Variants in NCOA5 observed in about 807,000 individuals in gnomAD.
NCOA5 encodes NCoA-5.
In NCOA5, 12 loss-of-function variants were observed where a neutral mutation model predicts 59.0. That is an observed-to-expected ratio of 0.20 (90% confidence interval 0.13 to 0.33). The LOEUF is 0.33. NCOA5 is among the 10% of genes least tolerant of loss of function. NCOA5 has a pLI of 1.00. For missense variants in NCOA5, 655 were observed against 766.6 expected (o/e 0.85, Z 1.72); for synonymous variants, 270 against 275.5 (o/e 0.98, Z 0.20).
At position 46,062,491 on chromosome 20, in the gene NCOA5, C is replaced by T. The variant is rs1226782134; in HGVS notation, c.1549G>A (p.Ala517Thr). The T allele has an allele frequency of 6.2e-7, 1 of 1,613,998 alleles. No homozygotes were observed. Among genetic ancestry groups the T allele is most frequent in the African/African-American group, 1.3e-5 (1 of 74,904 alleles). Reference protein sequence around the residue: ...GLFGQPSSRLAPASNMTSQRP... With the variant: ...GLFGQPSSRLTPASNMTSQRP... ...TGGCTAGTCATGTTGCTAGCAGGTG[C>T]CAGGCGACTGGAAGGCTGGCCAAAA... The change falls in exon 8 of 8, where the codon GCA becomes ACA. Residue 517 changes from alanine to threonine, a missense_variant. Ala to Thr is a moderately conservative substitution (Grantham distance 58, BLOSUM62 0). This residue lies in a region of NCOA5 where 325 missense variants were observed against 353.2 expected (regional missense o/e 0.92). Coordinates refer to ENST00000290231, the MANE Select transcript of NCOA5 (RefSeq NM_020967.3).
At chr20:46,087,938 A>T (rs1048904013) in intron 1 of NCOA5, among the ~76,000 whole-genome samples, 4 of 149,014 alleles carry the variant, frequency 2.7e-5, no homozygotes, top group Non-Finnish European at 6.1e-5. Context: ...CCAAAGAAAC[A>T]TGTTTTTAAC....
intron 2 of NCOA5, among the ~76,000 whole-genome samples, chr20:46,071,252 A>G (rs888997551): frequency 2.0e-5 from 3 of 152,128 alleles, no homozygotes; most frequent in Non-Finnish European, 4.4e-5. Context: ...GTTTCAACCC[A>G]CTGGAAACTC....
chr20:46,067,816 TA>T (rs201464584), intron 4 of NCOA5, among the ~76,000 whole-genome samples: 1 of 151,808 alleles, frequency 6.6e-6, no homozygotes, highest in Non-Finnish European at 1.5e-5. Flanking sequence ...GTAAAAGTTA[TA>T]AAAAAAACCA....
chr20:46,062,984 T>A, intron 7 of NCOA5, 95 bp from the exon 8 acceptor site: 1 of 1,017,746 alleles, frequency 9.8e-7, no homozygotes, highest in South Asian at 1.7e-5. Context: ...CTGAGTCACA[T>A]CAATCATACA....
Position 46,063,546 on chromosome 20 carries a change from G to A in NCOA5, c.964C>T (p.Leu322=), listed in dbSNP as rs1568875896. 1 of 1,614,188 alleles carries A rather than the reference G, an allele frequency of 6.2e-7. No homozygotes were observed. The highest frequency in any genetic ancestry group is 1.3e-5 in the African/African-American group (1 of 75,046). The change falls in exon 7 of 8, where the codon CTG becomes TTG. Residue 322 remains leucine (L), a synonymous_variant. Coordinates refer to ENST00000290231, the MANE Select transcript of NCOA5 (RefSeq NM_020967.3). ...QAAKMADEAI[L]QERERGGPEE... is the part of the protein sequence containing the mutation. ...GGGCCTCCTCTCTCTCTTTCCTGCA[G>A]GATGGCTTCATCGGCCATCTTGGCT...
intron 2 of NCOA5, among the ~76,000 whole-genome samples, chr20:46,071,407 C>T (rs1223546565): frequency 1.3e-5 from 2 of 152,196 alleles, no homozygotes; most frequent in Non-Finnish European, 2.9e-5. Flanking sequence ...TCCCCCATCC[C>T]AATAAAGTCA....
At chr20:46,076,356 C>T (rs1355124943) in intron 2 of NCOA5, among the ~76,000 whole-genome samples, 1 of 152,176 alleles carries the variant, frequency 6.6e-6, no homozygotes, top group Non-Finnish European at 1.5e-5. Flanking sequence ...TGTTCACCCT[C>T]AGTTAAATGA....
At chr20:46,068,386 C>T (rs970747962) in intron 4 of NCOA5, 116 bp downstream of exon 4, 10 of 1,078,824 alleles carry the variant, frequency 9.3e-6, no homozygotes, top group African/African-American at 3.2e-5. Flanking sequence ...TCTTTTTATA[C>T]ACTGCTTGGC....
intron 2 of NCOA5, among the ~76,000 whole-genome samples, chr20:46,078,825 G>A (rs2084965048): frequency 6.6e-6 from 1 of 152,114 alleles, no homozygotes; most frequent in African/African-American, 2.4e-5. Context: ...CTCGATTTCC[G>A]TGAAAGCTAA....
chr20:46,079,565 G>GTT, intron 1 of NCOA5, 112 bp from the exon 2 acceptor site: 2 of 880,606 alleles, frequency 2.3e-6, no homozygotes, highest in South Asian at 3.0e-5. Flanking sequence ...ACCAGATGGT[G>GTT]TAAGAAAAGC....
chr20:46,068,420 TG>T (rs1326695126), intron 4 of NCOA5, 81 bp downstream of exon 4: 2 of 1,437,628 alleles, frequency 1.4e-6, no homozygotes, highest in Middle Eastern at 1.8e-4. Context: ...CTTTTTCAGA[TG>T]GGGGTACTGG....
intron 1 of NCOA5, among the ~76,000 whole-genome samples, chr20:46,084,913 C>G (rs2085030784): frequency 6.6e-6 from 1 of 152,186 alleles, no homozygotes. Context: ...AAAAGGATAG[C>G]TTATAATTAA....
chr20:46,081,241 C>T (rs1469726775), intron 1 of NCOA5, among the ~76,000 whole-genome samples: 2 of 152,028 alleles, frequency 1.3e-5, no homozygotes, highest in African/African-American at 4.8e-5. Context: ...ACTGACTAGA[C>T]CTGGCAAACA....
chr20:46,087,732 A>C (rs1202125546), intron 1 of NCOA5, among the ~76,000 whole-genome samples: 1 of 152,250 alleles, frequency 6.6e-6, no homozygotes, highest in Non-Finnish European at 1.5e-5. Flanking sequence ...ACAAGAGTGA[A>C]GCTCTGTCTC....
intron 6 of NCOA5, among the ~76,000 whole-genome samples, chr20:46,064,397 C>G (rs552694813): frequency 3.9e-5 from 6 of 152,340 alleles, no homozygotes; most frequent in African/African-American, 1.2e-4. Flanking sequence ...AGCTGGCGGA[C>G]TCTTAATCCT....
intron 1 of NCOA5, among the ~76,000 whole-genome samples, chr20:46,082,031 T>G (rs892695840): frequency 6.6e-6 from 1 of 152,190 alleles, no homozygotes; most frequent in Non-Finnish European, 1.5e-5. Context: ...CTATTTTTTT[T>G]GTCACAGAAT....
chr20:46,079,505 T>A (rs2084969948), intron 1 of NCOA5, 52 bp from the exon 2 acceptor site: 3 of 1,391,168 alleles, frequency 2.2e-6, no homozygotes, highest in Middle Eastern at 2.0e-4. Context: ...AAAAACAAGA[T>A]CATCAGCACA....
intron 3 of NCOA5, among the ~76,000 whole-genome samples, chr20:46,068,947 C>T (rs1371629901): frequency 2.6e-5 from 4 of 152,002 alleles, no homozygotes; most frequent in East Asian, 1.9e-4. Context: ...CAATAATTTG[C>T]CATTTTAACA....
chr20:46,071,767 T>C (rs2084885495), intron 2 of NCOA5, among the ~76,000 whole-genome samples: 1 of 152,150 alleles, frequency 6.6e-6, no homozygotes. Flanking sequence ...TACCATCCAA[T>C]CCACACAGGC....
Sources: allele counts gnomAD v4.1 joint callset (sites outside exome capture counted in the v4.1 genomes callset), GRCh38; gene constraint gnomAD v4.1.1; regional missense constraint gnomAD v4.1.1; transcripts MANE v1.5; gene names NCBI Gene and HGNC (gene_info 2026-07-23, HGNC 2026-07-21).